Variants in SHTN1 observed in about 807,000 individuals in gnomAD.
SHTN1 encodes shootin 1.
SHTN1 carries 42 observed loss-of-function variants against 83.1 expected under a neutral mutation model. The observed-to-expected ratio is 0.51, with a 90% CI of 0.39 to 0.65. The LOEUF (loss-of-function observed/expected upper bound fraction) is 0.65. Ranked by LOEUF, SHTN1 falls within the 30% of genes least tolerant of loss-of-function variation. SHTN1 has a pLI of 0.00. For synonymous variants in SHTN1, 224 were observed against 247.7 expected (o/e 0.90, Z 0.90); for missense variants, 622 against 737.8 (o/e 0.84, Z 1.82).
chr10:117,000,832 G>A (rs1327282226), intron 1 of SHTN1, among the ~76,000 whole-genome samples: 1 of 152,104 alleles, frequency 6.6e-6, no homozygotes, highest in Non-Finnish European at 1.5e-5. Context: ...ACTCCTCCTG[G>A]AATTTACATG....
At position 116,980,550 on chromosome 10, in the gene SHTN1, A is replaced by G. The variant is rs370805576; in HGVS notation, c.59-1242T>C. Among the ~76,000 whole-genome samples the G allele has an allele frequency of 7.9e-5, 12 of 152,070 alleles. No homozygotes were observed. The East Asian group carries it at 2.1e-3, about 27-fold the overall frequency. ...TTTGCTTTATGGATTTATCTACCAAAAAAAAAAAACCCTCAGTTTTTCTTT... is the reference window on the plus strand; with the variant it reads ...TTTGCTTTATGGATTTATCTACCAAGAAAAAAAAACCCTCAGTTTTTCTTT... On this transcript the variant is annotated intron_variant, in intron 1 of 16. Transcript: ENST00000355371.
At chr10:116,966,833 C>T (rs1022636911) in intron 3 of SHTN1, among the ~76,000 whole-genome samples, 1 of 152,106 alleles carries the variant, frequency 6.6e-6, no homozygotes, top group African/African-American at 2.4e-5. Flanking sequence ...GGTAACAATG[C>T]CAATGGTATA....
At chr10:116,886,805 G>T (rs988338432) in intron 16 of SHTN1, among the ~76,000 whole-genome samples, 1 of 152,208 alleles carries the variant, frequency 6.6e-6, no homozygotes, top group African/African-American at 2.4e-5. Flanking sequence ...ATTAACTACA[G>T]AAGTGTTAAA....
intron 2 of SHTN1, among the ~76,000 whole-genome samples, chr10:117,023,245 C>G (rs1852287614): frequency 6.6e-6 from 1 of 152,166 alleles, no homozygotes; most frequent in South Asian, 2.1e-4. Context: ...TTACATAAAA[C>G]TAGCAGCAAA....
At chr10:117,050,608 C>T (rs1016362551) in intron 1 of SHTN1, among the ~76,000 whole-genome samples, 2 of 151,198 alleles carry the variant, frequency 1.3e-5, no homozygotes, top group East Asian at 1.9e-4. Context: ...TAAATGAAAT[C>T]GACAATTAGA....
At chr10:117,074,107 A>C (rs1387784657) in intron 1 of SHTN1, among the ~76,000 whole-genome samples, 2 of 152,068 alleles carry the variant, frequency 1.3e-5, no homozygotes, top group African/African-American at 4.8e-5. Context: ...CCTTTAGCTA[A>C]ATTTAGCTAA....
At chr10:116,996,312 GT>G in intron 1 of SHTN1, among the ~76,000 whole-genome samples, 1 of 152,238 alleles carries the variant, frequency 6.6e-6, no homozygotes, top group East Asian at 1.9e-4. Context: ...ATACCTGGCT[GT>G]GAGTCTCCAA....
intron 16 of SHTN1, among the ~76,000 whole-genome samples, chr10:116,889,071 A>G (rs1303260964): frequency 1.3e-5 from 2 of 152,212 alleles, no homozygotes; most frequent in African/African-American, 4.8e-5. Flanking sequence ...CTAGGTGAGC[A>G]ACTTCCATCA....
chr10:117,065,836 G>C (rs1343432114), intron 1 of SHTN1, among the ~76,000 whole-genome samples: 1 of 70,234 alleles, frequency 1.4e-5, no homozygotes, highest in African/African-American at 5.1e-5. Flanking sequence ...AAGGAAGGAA[G>C]GAAGGAAGGA....
intron 1 of SHTN1, among the ~76,000 whole-genome samples, chr10:117,067,487 C>CAGGAGGCT (rs1853019168): frequency 6.6e-6 from 1 of 152,068 alleles, no homozygotes; most frequent in South Asian, 2.1e-4. Context: ...TCCAGCTACT[C>CAGGAGGCT]AGGAGGCTGA....
At chr10:116,940,669 C>T (rs1420848432) in intron 8 of SHTN1, 57 bp from the exon 9 acceptor site, 18 of 1,347,458 alleles carry the variant, frequency 1.3e-5, no homozygotes, top group Non-Finnish European at 1.8e-5. Flanking sequence ...ACCTCCTCAA[C>T]TGTAACTTCA....
chr10:116,887,877 C>A (rs1847215154), intron 16 of SHTN1, among the ~76,000 whole-genome samples: 1 of 152,308 alleles, frequency 6.6e-6, no homozygotes, highest in East Asian at 1.9e-4. Flanking sequence ...GTCTGGATGT[C>A]TCTCTTGCAA....
intron 16 of SHTN1, among the ~76,000 whole-genome samples, chr10:116,891,915 G>A (rs758590654): frequency 2.0e-5 from 3 of 152,068 alleles, no homozygotes; most frequent in African/African-American, 4.8e-5. Flanking sequence ...CTCAAAGAAC[G>A]TATTAAGTTT....
At chr10:116,915,245 C>G in intron 13 of SHTN1, 130 bp downstream of exon 13, 1 of 616,670 alleles carries the variant, frequency 1.6e-6, no homozygotes, top group Non-Finnish European at 2.9e-6. Flanking sequence ...GAAGTAAAAG[C>G]TTTTGTGACA....
intron 1 of SHTN1, among the ~76,000 whole-genome samples, chr10:117,084,356 C>T (rs1238463992): frequency 1.3e-5 from 2 of 152,170 alleles, no homozygotes; most frequent in East Asian, 3.9e-4. Context: ...TTAGGCTGCT[C>T]GGGGGTCAGG....
At chr10:117,019,364 T>C (rs1852228676) in intron 2 of SHTN1, among the ~76,000 whole-genome samples, 1 of 151,756 alleles carries the variant, frequency 6.6e-6, no homozygotes, top group Admixed American at 6.6e-5. Flanking sequence ...TTAAAAGTTT[T>C]GTAGAGACAG....
At chr10:117,105,538 GTCT>G (rs1242706892) in intron 1 of SHTN1, among the ~76,000 whole-genome samples, 2 of 152,134 alleles carry the variant, frequency 1.3e-5, no homozygotes, top group African/African-American at 4.8e-5. Context: ...CAGAATCCTG[GTCT>G]TTTTTACTCC....
chr10:117,103,033 A>C (rs773811249), intron 1 of SHTN1, among the ~76,000 whole-genome samples: 22 of 152,160 alleles, frequency 1.4e-4, no homozygotes, highest in Non-Finnish European at 2.2e-4. Flanking sequence ...ATAAAAACTG[A>C]GGCCTTGTCT....
chr10:116,942,215 A>AT (rs71013625), intron 8 of SHTN1, among the ~76,000 whole-genome samples: 85 of 145,496 alleles, frequency 5.8e-4, no homozygotes, highest in African/African-American at 7.8e-4. Flanking sequence ...GATTACAGTA[A>AT]TTTTTTTTTT....
Sources: allele counts gnomAD v4.1 joint callset (sites outside exome capture counted in the v4.1 genomes callset), GRCh38; gene constraint gnomAD v4.1.1; transcripts MANE v1.5; gene names NCBI Gene and HGNC (gene_info 2026-07-23, HGNC 2026-07-21).